The following NUP210 variants were observed in gnomAD, a reference collection of about 807,000 sequenced individuals.
NUP210 encodes the protein nucleoporin 210, also known as nuclear pore membrane glycoprotein 210.
A neutral mutation model predicts 196.0 loss-of-function variants in NUP210; 151 were observed. The observed-to-expected ratio is 0.77, with a 90% CI of 0.67 to 0.88. NUP210 has a LOEUF of 0.88. Among genes scored for constraint, NUP210 ranks in the 40% least tolerant of loss-of-function variants. The probability of loss-of-function intolerance (pLI) is 0.00; values close to 1 mark genes in which losing one functional copy is unlikely to be tolerated. For missense variants in NUP210, 2,314 were observed against 2,493.7 expected (o/e 0.93, Z 1.53); for synonymous variants, 1,070 against 1,052.7 (o/e 1.02, Z -0.32).
Position 13,399,823 on chromosome 3 carries a change from A to G in NUP210, c.206T>C (p.Leu69Pro). 6.2e-7 allele frequency: 1 copy of G among 1,613,068 alleles called. No homozygotes were observed. Among genetic ancestry groups the G allele is most frequent in the East Asian group, 2.2e-5 (1 of 44,870 alleles). Residue 69 changes from leucine to proline, a missense_variant, in exon 2 of 40, where the codon CTG becomes CCG. Transcript: ENST00000254508. The stretch of plus-strand genomic sequence containing the variant: ...GGAGCACTGCTGCTCGTCCAGGCCC[A>G]GCGGCTCGATGCTGGCCACCTCCGG... The part of the protein sequence containing the change: ...TRPEVASIEP[L>P]GLDEQQCSQK...
At chr3:13,383,122 G>A (rs1318710610) in intron 6 of NUP210, among the ~76,000 whole-genome samples, 2 of 152,204 alleles carry the variant, frequency 1.3e-5, no homozygotes, top group East Asian at 3.9e-4. Context: ...CCCAACATGG[G>A]TGACAAAGCA....
intron 13 of NUP210, among the ~76,000 whole-genome samples, 199 bp downstream of exon 13, chr3:13,371,635 T>C (rs1416958218): frequency 2.6e-5 from 4 of 152,226 alleles, no homozygotes; most frequent in Non-Finnish European, 4.4e-5. Context: ...AGGCCACTGA[T>C]TTCCCGAAGT....
At chr3:13,330,772 C>T (rs1488880462) in intron 29 of NUP210, 138 bp from the exon 30 acceptor site, 3 of 726,148 alleles carry the variant, frequency 4.1e-6, no homozygotes, top group Non-Finnish European at 6.6e-6. Flanking sequence ...CCCCACGGAC[C>T]TCAGGACCAC....
chr3:13,411,846 T>C (rs1387749292), intron 1 of NUP210, among the ~76,000 whole-genome samples: 1 of 152,222 alleles, frequency 6.6e-6, no homozygotes, highest in Non-Finnish European at 1.5e-5. Flanking sequence ...GTTCAAGCAA[T>C]TCTCCTGCCT....
At chr3:13,333,456 G>C (rs768820489) in intron 28 of NUP210, among the ~76,000 whole-genome samples, 1 of 152,186 alleles carries the variant, frequency 6.6e-6, no homozygotes, top group Admixed American at 6.5e-5. Flanking sequence ...CGGATCTGAC[G>C]AGTGATTCTC....
intron 13 of NUP210, among the ~76,000 whole-genome samples, chr3:13,368,154 C>T (rs34342105): frequency 3.9e-5 from 6 of 152,180 alleles, no homozygotes; most frequent in Non-Finnish European, 8.8e-5. Flanking sequence ...TGGCTCACTG[C>T]AACCTCCACC....
chr3:13,397,750 C>A (rs1699712718), intron 2 of NUP210, among the ~76,000 whole-genome samples: 2 of 152,204 alleles, frequency 1.3e-5, no homozygotes, highest in Admixed American at 6.5e-5. Context: ...AAAAAAAACT[C>A]CAGGAAAACT....
In NUP210 at chr3:13,335,435, CT is replaced by C. The variant is rs749876266; in HGVS notation, c.3843+18del. On this transcript the variant is annotated intron_variant, in intron 28 of 39. Coordinates refer to ENST00000254508, the MANE Select transcript of NUP210 (RefSeq NM_024923.4). The stretch of plus-strand genomic sequence containing the variant: ...ACTTCCTCTCCCCCTTCCCTGTGGC[CT>C]TTCCACCTGCCTCCTACCTGGACTT... 2.2e-5 allele frequency: 36 copies of C among 1,608,222 alleles called. No individual in the cohort carries two copies. The African/African-American group carries it at 4.1e-4, about 18-fold the overall frequency.
At chr3:13,362,644 T>C (rs1698409782) in intron 14 of NUP210, among the ~76,000 whole-genome samples, 1 of 152,208 alleles carries the variant, frequency 6.6e-6, no homozygotes. Flanking sequence ...TTATCGACTG[T>C]CTCTGGGCAT....
chr3:13,386,136 G>T, intron 6 of NUP210, 139 bp downstream of exon 6: 2 of 874,052 alleles, frequency 2.3e-6, no homozygotes, highest in Non-Finnish European at 3.5e-6. Context: ...GATGGCTGCA[G>T]AAGAGTGTGA....
intron 4 of NUP210, among the ~76,000 whole-genome samples, chr3:13,389,590 G>A (rs1377145328): frequency 2.0e-5 from 3 of 152,178 alleles, no homozygotes; most frequent in Admixed American, 1.3e-4. Flanking sequence ...CACAGAGCTG[G>A]TCCAGCAGGC....
rs777482222 is a variant in NUP210 at position 13,397,538 on chromosome 3, G to T, written c.305-50C>A. On this transcript the variant is annotated intron_variant, in intron 2 of 39. Transcript: ENST00000254508. ...AGCACCAAAGACAGTCCCCGCCCCT[G>T]GCTCCACTTCCAAGCCTTGCAGGCT... The T allele has an allele frequency of 2.6e-6, 4 of 1,510,472 alleles. No individual in the cohort carries two copies. In the South Asian group the frequency reaches 5.3e-5, roughly 20 times the overall value. 93.6% of individuals were successfully genotyped at this position (1,510,472 alleles called of 1,614,324 possible). A position where few individuals can be genotyped will look rare whatever the true frequency, so the allele number is the denominator to read the frequency against.
intron 20 of NUP210, among the ~76,000 whole-genome samples, chr3:13,351,420 C>A (rs73024829): frequency 6.6e-6 from 1 of 152,198 alleles, no homozygotes; most frequent in Non-Finnish European, 1.5e-5. Context: ...ATGAGAATGA[C>A]TAAAGTTGTA....
intron 14 of NUP210, among the ~76,000 whole-genome samples, chr3:13,361,194 T>C (rs1320638550): frequency 1.3e-5 from 2 of 152,256 alleles, no homozygotes; most frequent in Non-Finnish European, 2.9e-5. Flanking sequence ...GCACCACGTA[T>C]GCACGAGCTT....
intron 1 of NUP210, among the ~76,000 whole-genome samples, chr3:13,418,223 G>A (rs1276312952): frequency 6.6e-6 from 1 of 152,222 alleles, no homozygotes; most frequent in Admixed American, 6.5e-5. Context: ...GAGCCTCCAG[G>A]TGCATAAAGC....
At chr3:13,380,741 G>C (rs1458625007) in intron 6 of NUP210, among the ~76,000 whole-genome samples, 2 of 152,188 alleles carry the variant, frequency 1.3e-5, no homozygotes, top group East Asian at 3.9e-4. Flanking sequence ...ACCCCATAGA[G>C]GGTGCCAGGT....
At chr3:13,386,534 C>T (rs6788192) in intron 5 of NUP210, 127 bp from the exon 6 acceptor site, 220,622 of 1,234,626 alleles carry the variant, frequency 0.18, 20,569 homozygotes, top group East Asian at 0.33. Context: ...AACAAGATAT[C>T]ATTCCCAAAT....
chr3:13,358,822 G>A (rs1253672774), intron 15 of NUP210, among the ~76,000 whole-genome samples: 1 of 152,246 alleles, frequency 6.6e-6, no homozygotes, highest in Non-Finnish European at 1.5e-5. Flanking sequence ...GACAGGGCAA[G>A]CGAATCAGAT....
rs1309558171 is a variant in NUP210, at chr3:13,332,247, A to T, written c.3935+46T>A. 2.6e-6 allele frequency: 4 copies of T among 1,514,170 alleles called. No homozygotes were observed. The South Asian group carries it at 4.5e-5, about 17-fold the overall frequency. The allele number at this position is 1,514,170 out of a possible 1,614,324, so 93.8% of individuals were successfully genotyped here. On this transcript the variant is annotated intron_variant, in intron 29 of 39. Transcript: ENST00000254508. ...GTTGACACATGAGGTGTCGGATGCA[A>T]GCACAGCCGCACAACTTTGCTGGAA...
Sources: allele counts gnomAD v4.1 joint callset (sites outside exome capture counted in the v4.1 genomes callset), GRCh38; gene constraint gnomAD v4.1.1; transcripts MANE v1.5; gene names NCBI Gene and HGNC (gene_info 2026-07-23, HGNC 2026-07-21).